Variants in TTC7B observed in about 807,000 individuals in gnomAD.
TTC7B encodes tetratricopeptide repeat protein 7B.
A neutral mutation model predicts 106.8 loss-of-function variants in TTC7B; 28 were observed. That is an observed-to-expected ratio of 0.26 (90% CI 0.19 to 0.36). TTC7B has a LOEUF of 0.36. Among genes scored for constraint, TTC7B ranks in the 10% least tolerant of loss-of-function variants. The pLI is 1.00. For missense variants in TTC7B, 862 were observed against 1,076.4 expected (o/e 0.80, Z 2.79); for synonymous variants, 405 against 430.6 (o/e 0.94, Z 0.74).
At chr14:90,667,197 C>T (rs1407869984) in intron 9 of TTC7B, among the ~76,000 whole-genome samples, 1 of 152,162 alleles carries the variant, frequency 6.6e-6, no homozygotes, top group African/African-American at 2.4e-5. Context: ...GGACATACCA[C>T]GTACAAAATA....
At chr14:90,696,144 C>T (rs935010083) in intron 5 of TTC7B, among the ~76,000 whole-genome samples, 33 of 152,180 alleles carry the variant, frequency 2.2e-4, no homozygotes, top group Non-Finnish European at 3.5e-4. Flanking sequence ...GGGTCAGAGG[C>T]CCCTTCTGAG....
chr14:90,630,527 C>T (rs1469184963), intron 15 of TTC7B, among the ~76,000 whole-genome samples: 3 of 152,188 alleles, frequency 2.0e-5, no homozygotes, highest in Non-Finnish European at 4.4e-5. Context: ...TATTTTTAAG[C>T]GTACAGTTTA....
intron 2 of TTC7B, among the ~76,000 whole-genome samples, chr14:90,783,534 A>T (rs915189935): frequency 1.1e-4 from 16 of 152,232 alleles, no homozygotes; most frequent in Admixed American, 1.0e-3. Flanking sequence ...TCCTGGGTTA[A>T]GTAGGCCTGC....
intron 5 of TTC7B, among the ~76,000 whole-genome samples, chr14:90,728,661 C>A (rs17126990): frequency 0.26 from 39,419 of 152,106 alleles, 6,194 homozygotes; most frequent in East Asian, 0.45. Flanking sequence ...GAACAGGCTT[C>A]AAAGATGCAA....
At chr14:90,704,284 C>T (rs1888117706) in intron 5 of TTC7B, among the ~76,000 whole-genome samples, 1 of 152,188 alleles carries the variant, frequency 6.6e-6, no homozygotes, top group South Asian at 2.1e-4. Context: ...TGATTGTGAA[C>T]CTTTGGTTTA....
chr14:90,603,226 G>A, intron 17 of TTC7B: 1 of 1,277,098 alleles, frequency 7.8e-7, no homozygotes, highest in Non-Finnish European at 1.0e-6. Flanking sequence ...GCCCTCGGAA[G>A]GATTAATAGA....
At chr14:90,670,505 TA>T (rs1282845426) in intron 9 of TTC7B, among the ~76,000 whole-genome samples, 1 of 151,828 alleles carries the variant, frequency 6.6e-6, no homozygotes, top group African/African-American at 2.4e-5. Flanking sequence ...CATGGCATAT[TA>T]AAAAAAAATT....
intron 5 of TTC7B, chr14:90,697,835 G>A (rs1887821181): frequency 6.6e-6 from 1 of 152,258 alleles, no homozygotes; most frequent in Non-Finnish European, 1.5e-5. Context: ...CAGCCACTGG[G>A]TGCGTATTCC....
chr14:90,786,856 C>T (rs532820829), intron 1 of TTC7B, among the ~76,000 whole-genome samples: 1 of 152,152 alleles, frequency 6.6e-6, no homozygotes, highest in Non-Finnish European at 1.5e-5. Context: ...GCTGGGATTA[C>T]AGGCATGAGC....
intron 18 of TTC7B, among the ~76,000 whole-genome samples, chr14:90,586,373 C>T (rs1025572965): frequency 7.9e-5 from 12 of 152,120 alleles, no homozygotes; most frequent in Non-Finnish European, 1.6e-4. Flanking sequence ...CAGGTTCAAG[C>T]GATTCTCCTG....
In TTC7B at chr14:90,570,947, G is replaced by A. The variant is rs981120151; in HGVS notation, c.2310+7159C>T. 1.2e-4 allele frequency among the ~76,000 whole-genome samples: 19 copies of A among 152,156 alleles called. No homozygotes were observed. The highest frequency in any genetic ancestry group is 3.9e-4 in the African/African-American group (16 of 41,436). ...TGGGACTGGAACCCAGGCAGCTGGC[G>A]CCAGCACCGTGCTCCCGATCTTTCC... On this transcript the variant is annotated intron_variant, in intron 19 of 19. Coordinates refer to ENST00000328459, the MANE Select transcript of TTC7B (RefSeq NM_001010854.2). The surrounding 1 kb of genome is among the most constrained non-coding windows in gnomAD (Gnocchi z 4.0).
At chr14:90,674,935 C>A (rs990487969) in intron 9 of TTC7B, among the ~76,000 whole-genome samples, 1 of 152,172 alleles carries the variant, frequency 6.6e-6, no homozygotes, top group African/African-American at 2.4e-5. Flanking sequence ...GTGACCACCA[C>A]GAGGTGGGAG....
At position 90,533,477 on chromosome 14, in the gene TTC7B, G is replaced by C. The variant is rs1889335307; in HGVS notation, c.*7891C>G. Reference sequence around the variant, plus strand: ...AGCAGCCACTCACCCCTCGCCTGAGGATAGAAGAAAGAAGGAAAGACTTTA... The same window carrying C: ...AGCAGCCACTCACCCCTCGCCTGAGCATAGAAGAAAGAAGGAAAGACTTTA... On this transcript the variant is annotated 3_prime_UTR_variant, in exon 20 of 20. Transcript: ENST00000328459. The C allele has an allele frequency of 6.6e-6, 1 of 152,578 alleles. No homozygotes were observed. The highest frequency in any genetic ancestry group is 6.5e-5 in the Admixed American group (1 of 15,280). 9.5% of individuals were successfully genotyped at this position (152,578 alleles called of 1,614,324 possible). A position where few individuals can be genotyped will look rare whatever the true frequency, so the allele number is the denominator to read the frequency against.
At chr14:90,733,073 A>G (rs772701843) in intron 4 of TTC7B, among the ~76,000 whole-genome samples, 1 of 152,164 alleles carries the variant, frequency 6.6e-6, no homozygotes, top group Non-Finnish European at 1.5e-5. Context: ...CCCAGTGTCT[A>G]GTGCAGGATA....
chr14:90,776,534 G>T (rs1409847977), intron 3 of TTC7B, among the ~76,000 whole-genome samples: 11 of 152,124 alleles, frequency 7.2e-5, no homozygotes, highest in Admixed American at 7.2e-4. Context: ...CTTCCCAGGG[G>T]GCTTCAGAGA....
chr14:90,623,410 T>C (rs756291128), intron 15 of TTC7B, among the ~76,000 whole-genome samples: 26 of 152,260 alleles, frequency 1.7e-4, no homozygotes, highest in Admixed American at 5.2e-4. Context: ...AGAAGGATGA[T>C]TGAAAATCCC....
chr14:90,796,382 A>G (rs1165315431), intron 1 of TTC7B, among the ~76,000 whole-genome samples: 1 of 152,204 alleles, frequency 6.6e-6, no homozygotes, highest in Non-Finnish European at 1.5e-5. Flanking sequence ...ACCCTCACCA[A>G]GGAGATATGG....
intron 3 of TTC7B, among the ~76,000 whole-genome samples, chr14:90,758,513 C>T (rs1486139097): frequency 6.6e-6 from 1 of 152,054 alleles, no homozygotes; most frequent in Non-Finnish European, 1.5e-5. Flanking sequence ...CGGCCGAGGA[C>T]GCCCGGAGCA....
In TTC7B at chr14:90,582,237, G is replaced by A. The variant is rs192010614; in HGVS notation, c.2108-3929C>T. ...GCCCCCCTCTCTCTGCCTCTGAGGC[G>A]CCACTGGGAACACTAGGGTTTCCAA... On this transcript the variant is annotated intron_variant, in intron 18 of 19. Coordinates refer to ENST00000328459, the MANE Select transcript of TTC7B (RefSeq NM_001010854.2). Among the ~76,000 whole-genome samples, 255 of 152,302 alleles carry A rather than the reference G, an allele frequency of 1.7e-3. 2 individuals are homozygous for A. The highest frequency in any genetic ancestry group is 4.4e-3 in the East Asian group (23 of 5,188).
Sources: allele counts gnomAD v4.1 joint callset (sites outside exome capture counted in the v4.1 genomes callset), GRCh38; gene constraint gnomAD v4.1.1; non-coding constraint Gnocchi (gnomAD v3.1); transcripts MANE v1.5; gene names NCBI Gene and HGNC (gene_info 2026-07-23, HGNC 2026-07-21).